Variants in PIK3C2G observed in about 807,000 individuals in gnomAD.
PIK3C2G encodes phosphatidylinositol-4-phosphate 3-kinase catalytic subunit type 2 gamma, also known as phosphatidylinositol 3-kinase C2 domain-containing subunit gamma.
A neutral mutation model predicts 181.1 loss-of-function variants in PIK3C2G; 168 were observed. The observed-to-expected ratio is 0.93, with a 90% CI of 0.82 to 1.05. The LOEUF is 1.05. Ranked by LOEUF, PIK3C2G falls within the 50% of genes least tolerant of loss-of-function variation. The pLI, the probability that PIK3C2G is intolerant of heterozygous loss-of-function variation, is 0.00. For missense variants in PIK3C2G, 1,869 were observed against 1,732.8 expected, an observed-to-expected ratio of 1.08 and a Z score of -1.40; for synonymous variants, 573 against 592.2, an observed-to-expected ratio of 0.97 and a Z score of 0.47.
intron 15 of PIK3C2G, among the ~76,000 whole-genome samples, chr12:18,397,122 C>CTATTTG (rs1158686810): frequency 4.6e-5 from 7 of 151,798 alleles, no homozygotes; most frequent in African/African-American, 1.5e-4. Flanking sequence ...AGCCAGAGAC[C>CTATTTG]TATTTGTATG....
chr12:18,388,825 C>T (rs1273980281), intron 14 of PIK3C2G, among the ~76,000 whole-genome samples: 2 of 152,148 alleles, frequency 1.3e-5, no homozygotes, highest in Non-Finnish European at 2.9e-5. Flanking sequence ...ATAAATGGAA[C>T]ACAAGAAGTT....
intron 18 of PIK3C2G, among the ~76,000 whole-genome samples, chr12:18,473,715 T>G (rs574383017): frequency 6.6e-6 from 1 of 152,332 alleles, no homozygotes; most frequent in African/African-American, 2.4e-5. Context: ...TGACTTCAAT[T>G]ACTGCTATTG....
chr12:18,589,394 C>G (rs1946956564), intron 29 of PIK3C2G, among the ~76,000 whole-genome samples: 1 of 151,960 alleles, frequency 6.6e-6, no homozygotes, highest in Non-Finnish European at 1.5e-5. Flanking sequence ...CTTGCAGGAG[C>G]TTTGCTCTAA....
chr12:18,275,164 T>C (rs1330880491), intron 1 of PIK3C2G, among the ~76,000 whole-genome samples: 1 of 152,204 alleles, frequency 6.6e-6, no homozygotes, highest in Non-Finnish European at 1.5e-5. Flanking sequence ...CTTGAATATC[T>C]AAAATATATC....
chr12:18,721,129 G>A, the PIK3C2G span, among the ~76,000 whole-genome samples: 1 of 152,070 alleles, frequency 6.6e-6, no homozygotes, highest in Non-Finnish European at 1.5e-5. Context: ...TTAATTAGCA[G>A]TAATTGGCTT....
rs187444794 is a variant in PIK3C2G at position 18,346,837 on chromosome 12, G to A, written c.1625+1G>A. On this transcript the variant is annotated splice_donor_variant, in intron 11 of 32. Coordinates refer to ENST00000538779, the MANE Select transcript of PIK3C2G (RefSeq NM_001288772.2). LOFTEE classifies it high-confidence loss of function. ...ACATTCCAGAAACCTGGGTGCACAG[G>A]TGAGTGGTGGTGAGTTTTTCACAAA... The A allele has an allele frequency of 1.1e-4, 176 of 1,580,662 alleles. 1 individual carries two copies. The African/African-American group carries it at 2.1e-3, about 19-fold the overall frequency.
chr12:18,540,718 G>C (rs1944108479), intron 25 of PIK3C2G, among the ~76,000 whole-genome samples: 1 of 151,810 alleles, frequency 6.6e-6, no homozygotes, highest in Admixed American at 6.6e-5. Flanking sequence ...GCTCTTTTAG[G>C]CTAAGGAAGA....
intron 18 of PIK3C2G, among the ~76,000 whole-genome samples, chr12:18,434,856 A>G (rs1432166060): frequency 2.6e-5 from 4 of 152,212 alleles, no homozygotes. Flanking sequence ...ACAGACAAAA[A>G]AAGATTACTA....
intron 14 of PIK3C2G, among the ~76,000 whole-genome samples, chr12:18,383,694 G>A (rs1269004499): frequency 6.6e-6 from 1 of 152,148 alleles, no homozygotes; most frequent in Non-Finnish European, 1.5e-5. Flanking sequence ...TACCAGGTTT[G>A]GACATGATTA....
At chr12:18,536,105 A>G (rs933391558) in intron 24 of PIK3C2G, among the ~76,000 whole-genome samples, 2 of 152,166 alleles carry the variant, frequency 1.3e-5, no homozygotes, top group African/African-American at 2.4e-5. Context: ...AACTTAAAGT[A>G]TAATTAAAAA....
At chr12:18,576,516 A>T (rs1014879808) in intron 29 of PIK3C2G, among the ~76,000 whole-genome samples, 4 of 152,234 alleles carry the variant, frequency 2.6e-5, no homozygotes, top group African/African-American at 9.6e-5. Context: ...TAATAGGGAA[A>T]CAGAGTATAA....
In PIK3C2G at chr12:18,346,673, A is replaced by G. The variant is rs199785709; in HGVS notation, c.1462A>G (p.Thr488Ala). Residue 488 changes from threonine to alanine, a missense_variant, in exon 11 of 33, where the codon ACA (threonine) becomes GCA (alanine). By Grantham distance (58) the Thr-to-Ala change is moderately conservative. Transcript: ENST00000538779. ...AGAGAAGGTAACAACTGAACTATCCACATCCATCTACCAGCTAATCAATGT... is the reference window on the plus strand; with the variant it reads ...AGAGAAGGTAACAACTGAACTATCCGCATCCATCTACCAGCTAATCAATGT... The part of the protein sequence containing the change: ...LIEKVTTELS[T>A]SIYQLINVYC... 2.4e-4 allele frequency: 387 copies of G among 1,613,144 alleles called. No homozygotes were observed. In the African/African-American group the frequency reaches 4.5e-3, roughly 19 times the overall value.
At chr12:18,433,099 G>A (rs1946255531) in intron 18 of PIK3C2G, among the ~76,000 whole-genome samples, 1 of 152,078 alleles carries the variant, frequency 6.6e-6, no homozygotes, top group Non-Finnish European at 1.5e-5. Flanking sequence ...GCTGTCAGTT[G>A]TAAATGTTAA....
At position 18,399,645 on chromosome 12, in the gene PIK3C2G, A is replaced by G. The variant is rs748399575; in HGVS notation, c.2127-14A>G. 7.9e-6 allele frequency: 12 copies of G among 1,514,330 alleles called. No individual in the cohort carries two copies. The highest frequency in any genetic ancestry group is 2.6e-5 in the South Asian group (2 of 77,292). The allele number at this position is 1,514,330 out of a possible 1,614,324, so 93.8% of individuals were successfully genotyped here. On this transcript the variant is annotated splice_polypyrimidine_tract_variant and intron_variant, in intron 15 of 32. Transcript: ENST00000538779. Reference sequence around the variant, plus strand: ...AAACTCCAGTAAATTACAGTTTCCAATCTGGTTTTTCAGACTCTCTGAAGA... The same window carrying G: ...AAACTCCAGTAAATTACAGTTTCCAGTCTGGTTTTTCAGACTCTCTGAAGA...
intron 1 of PIK3C2G, among the ~76,000 whole-genome samples, chr12:18,251,408 T>G (rs941790843): frequency 1.3e-5 from 2 of 152,006 alleles, no homozygotes; most frequent in African/African-American, 4.8e-5. Context: ...ACCTGTTATA[T>G]CACACAAACT....
chr12:18,725,346 C>G, the PIK3C2G span, among the ~76,000 whole-genome samples: 3 of 152,068 alleles, frequency 2.0e-5, no homozygotes, highest in Non-Finnish European at 4.4e-5. Context: ...CACGTGACAG[C>G]AGCTCAGACT....
At chr12:18,593,789 C>T (rs979920681) in intron 29 of PIK3C2G, among the ~76,000 whole-genome samples, 1 of 151,800 alleles carries the variant, frequency 6.6e-6, no homozygotes, top group Non-Finnish European at 1.5e-5. Flanking sequence ...CATCTCTGTA[C>T]ATAGTAAAAT....
intron 29 of PIK3C2G, among the ~76,000 whole-genome samples, chr12:18,575,447 C>A (rs930822084): frequency 1.2e-4 from 19 of 152,140 alleles, no homozygotes; most frequent in African/African-American, 4.6e-4. Context: ...TAAATATGGT[C>A]AGTCATTTGG....
chr12:18,333,056 A>G (rs1361424678), intron 8 of PIK3C2G, among the ~76,000 whole-genome samples: 1 of 152,002 alleles, frequency 6.6e-6, no homozygotes, highest in African/African-American at 2.4e-5. Context: ...TAATTTCTTA[A>G]TATCTTCTTA....
Sources: allele counts gnomAD v4.1 joint callset (sites outside exome capture counted in the v4.1 genomes callset), GRCh38; gene constraint gnomAD v4.1.1; transcripts MANE v1.5; gene names NCBI Gene and HGNC (gene_info 2026-07-23, HGNC 2026-07-21).